STAT4: variants seen among roughly 807,000 people sequenced by gnomAD.
STAT4 encodes the protein signal transducer and activator of transcription 4.
Under a neutral mutation model 110.5 loss-of-function variants are expected in STAT4, and 42 were observed. The observed-to-expected ratio is 0.38, with a 90% CI of 0.30 to 0.49. STAT4 has a LOEUF of 0.49. Among genes scored for constraint, STAT4 ranks in the 20% least tolerant of loss-of-function variants. STAT4 has a pLI of 0.95. For synonymous variants in STAT4, 284 were observed against 302.2 expected (o/e 0.94, Z 0.63); for missense variants, 632 against 887.9 (o/e 0.71, Z 3.66).
rs1317648179 is a variant in STAT4, at chr2:191,062,092, T to G, written c.942-271A>C. 1.3e-5 allele frequency among the ~76,000 whole-genome samples: 2 copies of G among 152,202 alleles called. No homozygotes were observed. Among genetic ancestry groups the G allele is most frequent in the Non-Finnish European group, 2.9e-5 (2 of 68,034 alleles). Reference sequence around the variant, plus strand: ...TTCTTTTGAGAAGGGTCTCCCTCTGTTGCCCAGGCTGAAGTGCAGTGGCAC... The same window carrying G: ...TTCTTTTGAGAAGGGTCTCCCTCTGGTGCCCAGGCTGAAGTGCAGTGGCAC... On this transcript the variant is annotated intron_variant, in intron 9 of 23. Transcript: ENST00000392320. The surrounding 1 kb of genome is among the most constrained non-coding windows in gnomAD (Gnocchi z 4.9).
chr2:191,151,176 G>A, upstream of STAT4: 1 of 985,560 alleles, frequency 1.0e-6, no homozygotes, highest in Non-Finnish European at 1.2e-6. The surrounding 1 kb of genome is among the most constrained non-coding windows in gnomAD (Gnocchi z 4.7). Flanking sequence ...TGCCAGGCTG[G>A]AGCCCCTTCA....
intron 14 of STAT4, 30 bp from the exon 15 acceptor site, chr2:191,041,178 C>T: frequency 7.7e-7 from 1 of 1,305,758 alleles, no homozygotes; most frequent in Non-Finnish European, 1.0e-6. Flanking sequence ...ATTGTTACCT[C>T]ACAAATGCAT....
chr2:191,035,400 G>C lies in STAT4; in HGVS notation c.1570+764C>G, dbSNP rs1286854694. Among the ~76,000 whole-genome samples the C allele has an allele frequency of 6.6e-6, 1 of 152,214 alleles. No homozygotes were observed. Among genetic ancestry groups the C allele is most frequent in the Non-Finnish European group, 1.5e-5 (1 of 68,038 alleles). The stretch of plus-strand genomic sequence containing the variant: ...CAAGTGGCAAGCATCCCAGCACCAT[G>C]TGAGTCAAGCTTAAATCACACATGA... On this transcript the variant is annotated intron_variant, in intron 17 of 23. Transcript: ENST00000392320. The surrounding 1 kb of genome is among the most constrained non-coding windows in gnomAD (Gnocchi z 4.7).
At chr2:191,069,242 A>G (rs1697077602) in intron 6 of STAT4, among the ~76,000 whole-genome samples, 1 of 152,092 alleles carries the variant, frequency 6.6e-6, no homozygotes, top group Non-Finnish European at 1.5e-5. Context: ...CCTATATTTT[A>G]GGCTTTCTCC....
intron 16 of STAT4, 131 bp from the exon 17 acceptor site, chr2:191,036,430 T>C: frequency 2.1e-6 from 2 of 944,056 alleles, no homozygotes; most frequent in South Asian, 1.7e-5. Context: ...TATTAGGTGA[T>C]AGTCAGGCAG....
intron 18 of STAT4, among the ~76,000 whole-genome samples, chr2:191,034,279 CG>C (rs1695982359): frequency 2.0e-5 from 3 of 151,802 alleles, no homozygotes; most frequent in Admixed American, 6.6e-5. Flanking sequence ...AAAAATTAGC[CG>C]GGCGTGGTGG....
chr2:191,058,180 T>G lies in STAT4; in HGVS notation c.1112+22A>C, dbSNP rs755047131. The G allele has an allele frequency of 1.2e-6, 2 of 1,613,972 alleles. No homozygotes were observed. The highest frequency in any genetic ancestry group is 3.3e-5 in the Admixed American group (2 of 60,010). On this transcript the variant is annotated intron_variant, in intron 12 of 23. Transcript: ENST00000392320. The surrounding 1 kb of genome is among the most constrained non-coding windows in gnomAD (Gnocchi z 4.3). ...AAATTTACAAGAGCAGCAACAAAGT[T>G]TCCACAAAGTAAATGTCTTACCTTA...
chr2:191,137,189 A>C (rs1699203296), intron 3 of STAT4, among the ~76,000 whole-genome samples: 2 of 152,070 alleles, frequency 1.3e-5, no homozygotes, highest in South Asian at 4.2e-4. Context: ...GTAAAAATAC[A>C]AACATTAGCC....
In STAT4 at chr2:191,034,478, G is replaced by A; in HGVS notation, c.1620+70C>T. The A allele has an allele frequency of 2.7e-6, 3 of 1,123,302 alleles. No homozygotes were observed. The South Asian group carries it at 3.8e-5, about 14-fold the overall frequency. The allele number at this position is 1,123,302 out of a possible 1,614,324, so 69.6% of individuals were successfully genotyped here. A position where few individuals can be genotyped will look rare whatever the true frequency, so the allele number is the denominator to read the frequency against. On this transcript the variant is annotated intron_variant, in intron 18 of 23. Transcript: ENST00000392320. ...TGGGAAATTCTCAAAACCCCATGTA[G>A]TAATAGACTTAGAAAGGAACATTGT...
rs538875337 is a variant in STAT4, at chr2:191,150,647, T to C, written c.-2+300A>G. ...GCTGGCTAAGAAAGTGAAGAGGGGC[T>C]CACTTTCAGCCTCCGCGAGGACACA... On this transcript the variant is annotated intron_variant, in intron 1 of 23. Coordinates refer to ENST00000392320, the MANE Select transcript of STAT4 (RefSeq NM_003151.4). This position sits in a 1 kb window ranked among gnomAD's most constrained non-coding sequence, Gnocchi z 6.4. 6.6e-6 allele frequency among the ~76,000 whole-genome samples: 1 copy of C among 152,262 alleles called. No homozygotes were observed. Among genetic ancestry groups the C allele is most frequent in the East Asian group, 1.9e-4 (1 of 5,180 alleles).
chr2:191,070,637 C>T (rs983455445), intron 5 of STAT4, among the ~76,000 whole-genome samples: 3 of 152,164 alleles, frequency 2.0e-5, no homozygotes, highest in Non-Finnish European at 4.4e-5. Flanking sequence ...AAGAAGTCTT[C>T]TCTAAGGAAA....
chr2:191,114,108 C>G (rs890976350), intron 3 of STAT4, among the ~76,000 whole-genome samples: 20 of 152,158 alleles, frequency 1.3e-4, no homozygotes, highest in African/African-American at 4.8e-4. Flanking sequence ...AGTGTATCTA[C>G]CTGAATTGTG....
At position 191,033,477 on chromosome 2, in the gene STAT4, A is replaced by C; in HGVS notation, c.1852+13T>G. On this transcript the variant is annotated intron_variant, in intron 20 of 23. Coordinates refer to ENST00000392320, the MANE Select transcript of STAT4 (RefSeq NM_003151.4). The surrounding 1 kb of genome is among the most constrained non-coding windows in gnomAD (Gnocchi z 6.9). ...AACTAATTTCACATGAATAAACATTAGTGAGTATATACCACTTTCAGAATG... is the reference window on the plus strand; with the variant it reads ...AACTAATTTCACATGAATAAACATTCGTGAGTATATACCACTTTCAGAATG... 1 of 1,594,244 alleles carries C rather than the reference A, an allele frequency of 6.3e-7. No individual in the cohort carries two copies. The highest frequency in any genetic ancestry group is 1.1e-5 in the South Asian group (1 of 87,038).
chr2:191,052,450 A>G (rs1408257129), intron 14 of STAT4, among the ~76,000 whole-genome samples: 1 of 152,238 alleles, frequency 6.6e-6, no homozygotes, highest in Non-Finnish European at 1.5e-5. Context: ...TGATTTTGCT[A>G]TTCATCAGAA....
At position 191,076,451 on chromosome 2, in the gene STAT4, G is replaced by C. The variant is rs955583832; in HGVS notation, c.274-126C>G. 5.7e-6 allele frequency: 4 copies of C among 697,092 alleles called. No homozygotes were observed. The African/African-American group carries it at 7.2e-5, about 13-fold the overall frequency. 43.2% of individuals were successfully genotyped at this position (697,092 alleles called of 1,614,324 possible). A position where few individuals can be genotyped will look rare whatever the true frequency, so the allele number is the denominator to read the frequency against. The stretch of plus-strand genomic sequence containing the variant: ...AAATATGTGAAATTACTTGGGATTT[G>C]TTCCAATACTCTGTTCCATTAGAAA... On this transcript the variant is annotated intron_variant, in intron 3 of 23. Coordinates refer to ENST00000392320, the MANE Select transcript of STAT4 (RefSeq NM_003151.4).
chr2:191,079,206 T>G (rs918748979), intron 3 of STAT4, among the ~76,000 whole-genome samples: 1 of 132,946 alleles, frequency 7.5e-6, no homozygotes, highest in Non-Finnish European at 1.7e-5. Flanking sequence ...TTTATATTTC[T>G]ATATACATTT....
chr2:191,122,650 T>C (rs1390597100), intron 3 of STAT4, among the ~76,000 whole-genome samples: 4 of 152,244 alleles, frequency 2.6e-5, no homozygotes, highest in African/African-American at 7.2e-5. Context: ...ACTATAGTTA[T>C]ACAATGGAAT....
intron 7 of STAT4, 115 bp from the exon 8 acceptor site, chr2:191,065,073 T>C (rs1696950974): frequency 2.7e-6 from 3 of 1,129,800 alleles, no homozygotes; most frequent in Admixed American, 2.9e-5. Context: ...TTTGACCAAA[T>C]ATTTTACTAA....
rs913736086 is a variant in STAT4 at position 191,138,951 on chromosome 2, C to A, written c.273+7662G>T. 6.6e-6 allele frequency among the ~76,000 whole-genome samples: 1 copy of A among 151,938 alleles called. No homozygotes were observed. The highest frequency in any genetic ancestry group is 1.5e-5 in the Non-Finnish European group (1 of 67,974). On this transcript the variant is annotated intron_variant, in intron 3 of 23. Coordinates refer to ENST00000392320, the MANE Select transcript of STAT4 (RefSeq NM_003151.4). This position sits in a 1 kb window ranked among gnomAD's most constrained non-coding sequence, Gnocchi z 4.3. ...AGGAATACAGGGATAGTTTAACACACGCAAAGTCAATAAATATGATACATT... is the reference window on the plus strand; with the variant it reads ...AGGAATACAGGGATAGTTTAACACAAGCAAAGTCAATAAATATGATACATT...
Sources: allele counts gnomAD v4.1 joint callset (sites outside exome capture counted in the v4.1 genomes callset), GRCh38; gene constraint gnomAD v4.1.1; non-coding constraint Gnocchi (gnomAD v3.1); transcripts MANE v1.5; gene names NCBI Gene and HGNC (gene_info 2026-07-23, HGNC 2026-07-21).